Variants in CHD7 observed in about 807,000 individuals in gnomAD.
CHD7 encodes the protein ATP-dependent chromatin remodeler CHD7.
In CHD7, 24 loss-of-function variants were observed where a neutral mutation model predicts 307.3. The observed-to-expected ratio is 0.08, with a 90% CI of 0.06 to 0.11. The LOEUF is 0.11. Ranked by LOEUF, CHD7 falls within the 10% of genes least tolerant of loss-of-function variation. The pLI is 1.00. For synonymous variants in CHD7, 1,363 were observed against 1,349.9 expected (o/e 1.01, Z -0.21); for missense variants, 3,106 against 3,727.1 (o/e 0.83, Z 4.34).
At chr8:60,695,703 G>A (rs1036086404) in intron 1 of CHD7, among the ~76,000 whole-genome samples, 1 of 152,180 alleles carries the variant, frequency 6.6e-6, no homozygotes, top group Non-Finnish European at 1.5e-5. Context: ...CAGGTAATGT[G>A]TGGAAAGCAA....
chr8:60,765,736 G>A (rs1245873550), intron 2 of CHD7, among the ~76,000 whole-genome samples: 1 of 152,238 alleles, frequency 6.6e-6, no homozygotes, highest in Non-Finnish European at 1.5e-5. Context: ...GTGGTGCTGA[G>A]GGTTTCAGCT....
At chr8:60,762,998 G>A (rs1197791450) in intron 2 of CHD7, among the ~76,000 whole-genome samples, 2 of 152,054 alleles carry the variant, frequency 1.3e-5, no homozygotes, top group Admixed American at 1.3e-4. Flanking sequence ...TGGTGGGGGG[G>A]CGGCAGGGGG....
At chr8:60,740,934 A>G (rs943864342) in intron 1 of CHD7, among the ~76,000 whole-genome samples, 2 of 152,190 alleles carry the variant, frequency 1.3e-5, no homozygotes, top group African/African-American at 4.8e-5. Context: ...CTGCTGTGGC[A>G]GCTGCTGCTG....
chr8:60,811,293 G>A (rs1156424281), intron 7 of CHD7, among the ~76,000 whole-genome samples: 1 of 152,202 alleles, frequency 6.6e-6, no homozygotes, highest in African/African-American at 2.4e-5. Flanking sequence ...ATACACAAAA[G>A]AAGTGTAGTC....
At chr8:60,844,445 A>AT (rs1306775566) in intron 21 of CHD7, among the ~76,000 whole-genome samples, 1 of 152,092 alleles carries the variant, frequency 6.6e-6, no homozygotes, top group East Asian at 1.9e-4. Context: ...CGCATCCTTG[A>AT]TTTTGGGGTA....
intron 3 of CHD7, 28 bp downstream of exon 3, chr8:60,781,458 C>T (rs777616384): frequency 2.0e-6 from 3 of 1,502,076 alleles, no homozygotes; most frequent in Non-Finnish European, 1.8e-6. Context: ...AAAACAACTG[C>T]AAAACATTGA....
At chr8:60,806,622 TGGCAC>T (rs1812548318) in intron 6 of CHD7, among the ~76,000 whole-genome samples, 1 of 152,252 alleles carries the variant, frequency 6.6e-6, no homozygotes. Flanking sequence ...AGATCCATTA[TGGCAC>T]AACCAGATAT....
chr8:60,746,682 T>A (rs1809345790), intron 2 of CHD7, among the ~76,000 whole-genome samples: 1 of 152,216 alleles, frequency 6.6e-6, no homozygotes, highest in African/African-American at 2.4e-5. Flanking sequence ...GAATGGATAT[T>A]TTCTAGATTA....
chr8:60,741,735 G>T lies in CHD7; in HGVS notation c.303G>T (p.Pro101=). The T allele has an allele frequency of 1.2e-6, 2 of 1,613,900 alleles. No individual in the cohort carries two copies. Among genetic ancestry groups the T allele is most frequent in the East Asian group, 4.5e-5 (2 of 44,874 alleles). The change falls in exon 2 of 38, where the codon CCG becomes CCT. Residue 101 remains proline (P), a synonymous_variant. Coordinates refer to ENST00000423902, the MANE Select transcript of CHD7 (RefSeq NM_017780.4). The part of the protein sequence containing the change: ...SNTPGNGLAS[P]HSQYHTPPVP... ...CCCCTGGGAACGGACTCGCGTCTCC[G>T]CACTCGCAGTATCACACCCCTCCCG...
At chr8:60,695,247 T>C (rs1806412164) in intron 1 of CHD7, among the ~76,000 whole-genome samples, 1 of 152,212 alleles carries the variant, frequency 6.6e-6, no homozygotes, top group East Asian at 1.9e-4. Flanking sequence ...ACTCCATTGA[T>C]AAAGGTCTGC....
chr8:60,747,302 T>C (rs1414052819), intron 2 of CHD7, among the ~76,000 whole-genome samples: 1 of 152,090 alleles, frequency 6.6e-6, no homozygotes, highest in Non-Finnish European at 1.5e-5. Context: ...GGTCTCAAAC[T>C]CCTGACCTCA....
chr8:60,691,589 C>T (rs1806198081), intron 1 of CHD7, among the ~76,000 whole-genome samples: 1 of 152,170 alleles, frequency 6.6e-6, no homozygotes, highest in South Asian at 2.1e-4. Flanking sequence ...ACTTGAGTTG[C>T]ATGGGGAGGA....
intron 2 of CHD7, 126 bp from the exon 3 acceptor site, chr8:60,780,874 T>C: frequency 1.6e-6 from 2 of 1,220,268 alleles, no homozygotes; most frequent in Non-Finnish European, 2.1e-6. Flanking sequence ...TACAACTGTA[T>C]AGTTGGAAAA....
At chr8:60,843,288 C>T (rs1273681096) in intron 21 of CHD7, among the ~76,000 whole-genome samples, 1 of 152,166 alleles carries the variant, frequency 6.6e-6, no homozygotes, top group Non-Finnish European at 1.5e-5. Context: ...AGAGACTCAC[C>T]CCCTGCGTCC....
chr8:60,772,849 T>A (rs1273335743), intron 2 of CHD7, among the ~76,000 whole-genome samples: 1 of 152,220 alleles, frequency 6.6e-6, no homozygotes, highest in African/African-American at 2.4e-5. Flanking sequence ...ATTTGCTGAT[T>A]TACTGCCATA....
At chr8:60,685,891 G>C (rs1805859764) in intron 1 of CHD7, among the ~76,000 whole-genome samples, 1 of 152,176 alleles carries the variant, frequency 6.6e-6, no homozygotes, top group South Asian at 2.1e-4. Context: ...TTTTAGGGAA[G>C]TGTTTGTATT....
intron 2 of CHD7, among the ~76,000 whole-genome samples, chr8:60,757,963 T>C (rs79249013): frequency 0.012 from 1,809 of 152,340 alleles, 37 homozygotes; most frequent in African/African-American, 0.041. Flanking sequence ...AGTTTTGAAA[T>C]CCTGATGCTC....
intron 1 of CHD7, among the ~76,000 whole-genome samples, chr8:60,699,006 A>G (rs1165460804): frequency 6.6e-6 from 1 of 152,178 alleles, no homozygotes; most frequent in African/African-American, 2.4e-5. Flanking sequence ...TGATCCTCCC[A>G]AAGAGGTGGG....
chr8:60,702,903 G>A (rs1405067993), intron 1 of CHD7, among the ~76,000 whole-genome samples: 1 of 152,218 alleles, frequency 6.6e-6, no homozygotes. Context: ...GAGAGTGAGC[G>A]AGAGAGCGCC....
Sources: allele counts gnomAD v4.1 joint callset (sites outside exome capture counted in the v4.1 genomes callset), GRCh38; gene constraint gnomAD v4.1.1; transcripts MANE v1.5; gene names NCBI Gene and HGNC (gene_info 2026-07-23, HGNC 2026-07-21).